Variants in ROBO1 observed in about 807,000 individuals in gnomAD.
The protein encoded by ROBO1 is roundabout guidance receptor 1.
Under a neutral mutation model 195.9 loss-of-function variants are expected in ROBO1, and 149 were observed. The ratio of observed to expected loss-of-function variants is 0.76; its 90% confidence interval spans 0.67 to 0.87. ROBO1 has a LOEUF of 0.87. Among genes scored for constraint, ROBO1 ranks in the 40% least tolerant of loss-of-function variants. The probability of loss-of-function intolerance (pLI) is 0.00; values close to 1 mark genes in which losing one functional copy is unlikely to be tolerated. For missense variants in ROBO1, 1,933 were observed against 2,068.3 expected (o/e 0.93, Z 1.27); for synonymous variants, 816 against 733.2 (o/e 1.11, Z -1.82).
At chr3:79,149,936 G>A (rs2080733561) in intron 2 of ROBO1, among the ~76,000 whole-genome samples, 1 of 151,682 alleles carries the variant, frequency 6.6e-6, no homozygotes, top group South Asian at 2.1e-4. Context: ...TCTTCCCCTT[G>A]TCAGAAGCAC....
At chr3:79,674,865 T>C (rs1946737442) in intron 1 of ROBO1, among the ~76,000 whole-genome samples, 1 of 151,562 alleles carries the variant, frequency 6.6e-6, no homozygotes, top group African/African-American at 2.4e-5. Flanking sequence ...TGTGTGTGTG[T>C]GTATTTACAG....
chr3:79,583,154 T>C (rs1006610812), intron 2 of ROBO1, among the ~76,000 whole-genome samples: 1 of 152,028 alleles, frequency 6.6e-6, no homozygotes, highest in Non-Finnish European at 1.5e-5. Context: ...TTCTAATTAA[T>C]ATGGTGTTCC....
At chr3:78,599,158 G>A (rs1278525526) in intron 30 of ROBO1, among the ~76,000 whole-genome samples, 1 of 152,114 alleles carries the variant, frequency 6.6e-6, no homozygotes, top group Non-Finnish European at 1.5e-5. Context: ...GTGTTGCGTG[G>A]TGGGACACAG....
At chr3:78,661,006 A>G in intron 16 of ROBO1, 24 bp downstream of exon 16, 1 of 1,527,910 alleles carries the variant, frequency 6.5e-7, no homozygotes, top group African/African-American at 1.4e-5. Flanking sequence ...AATGCATGGA[A>G]ATCAAACGCT....
chr3:78,762,587 A>C (rs970343002), intron 4 of ROBO1, among the ~76,000 whole-genome samples: 1 of 152,020 alleles, frequency 6.6e-6, no homozygotes, highest in African/African-American at 2.4e-5. Context: ...GCATTTCTTA[A>C]GTTAGTTTTT....
intron 2 of ROBO1, among the ~76,000 whole-genome samples, chr3:79,577,023 G>T (rs913184306): frequency 2.6e-5 from 4 of 151,942 alleles, no homozygotes; most frequent in Non-Finnish European, 5.9e-5. Context: ...TACATAAATT[G>T]TCTCTGGTCT....
rs917679376 is a variant in ROBO1, at chr3:79,466,122, A to G, written c.88+123702T>C. 3.9e-5 allele frequency among the ~76,000 whole-genome samples: 6 copies of G among 152,228 alleles called. 1 individual carries two copies. The East Asian group carries it at 1.2e-3, about 29-fold the overall frequency. On this transcript the variant is annotated intron_variant, in intron 2 of 30. Transcript: ENST00000464233. The stretch of plus-strand genomic sequence containing the variant: ...CAATTATTTATTTTCTCTGTGACCA[A>G]AAGATTGTCTTTACTGCTGAAGGAT...
At chr3:79,587,400 C>T (rs1943862091) in intron 2 of ROBO1, among the ~76,000 whole-genome samples, 1 of 151,680 alleles carries the variant, frequency 6.6e-6, no homozygotes, top group African/African-American at 2.4e-5. Context: ...TTCTTTTGTA[C>T]CCTGAGAAGT....
chr3:78,960,233 A>G (rs1376560441), intron 3 of ROBO1, among the ~76,000 whole-genome samples: 1 of 152,028 alleles, frequency 6.6e-6, no homozygotes, highest in African/African-American at 2.4e-5. Flanking sequence ...CTAATCAGAA[A>G]TACAGTGCCC....
In ROBO1 at chr3:78,860,326, A is replaced by ATATATATTTTTTTT. The variant is rs376853384; in HGVS notation, c.499+78274_499+78275insAAAAAAAATATATA. On this transcript the variant is annotated intron_variant, in intron 4 of 30. Coordinates refer to ENST00000464233, the MANE Select transcript of ROBO1 (RefSeq NM_002941.4). ...ACTATATATATATATATATATATATATTTTTTTTTTTTTACTCATAAGGTG... is the reference window on the plus strand; with the variant it reads ...ACTATATATATATATATATATATATATATATATTTTTTTTTTTTTTTTTTTTTACTCATAAGGTG... Among the ~76,000 whole-genome samples, 64 of 93,514 alleles carry ATATATATTTTTTTT rather than the reference A, an allele frequency of 6.8e-4. 1 individual carries two copies. Among genetic ancestry groups the ATATATATTTTTTTT allele is most frequent in the African/African-American group, 2.7e-3 (59 of 22,218 alleles). 61.3% of individuals were successfully genotyped at this position (93,514 alleles called of 152,430 possible).
chr3:79,291,581 A>G (rs2032250559), intron 2 of ROBO1, among the ~76,000 whole-genome samples: 1 of 152,140 alleles, frequency 6.6e-6, no homozygotes, highest in East Asian at 1.9e-4. Flanking sequence ...CGTGCCCCCA[A>G]AACACCCCAG....
chr3:79,171,112 A>C (rs963539512), intron 2 of ROBO1, among the ~76,000 whole-genome samples: 1 of 150,248 alleles, frequency 6.7e-6, no homozygotes, highest in Non-Finnish European at 1.5e-5. Context: ...CACAATAATG[A>C]ATTTACTTAA....
intron 4 of ROBO1, among the ~76,000 whole-genome samples, chr3:78,833,121 C>T: frequency 6.6e-6 from 1 of 151,454 alleles, no homozygotes; most frequent in Admixed American, 6.6e-5. Context: ...CCACTCTCTG[C>T]AGGATTGATT....
At chr3:78,787,010 C>T (rs1012468610) in intron 4 of ROBO1, among the ~76,000 whole-genome samples, 3 of 152,164 alleles carry the variant, frequency 2.0e-5, no homozygotes, top group Admixed American at 6.5e-5. Context: ...ACTAGTGGTT[C>T]TCCACCTTCA....
At chr3:78,702,269 C>G (rs2081438120) in intron 8 of ROBO1, among the ~76,000 whole-genome samples, 1 of 151,986 alleles carries the variant, frequency 6.6e-6, no homozygotes, top group African/African-American at 2.4e-5. Flanking sequence ...CCATAGCAAG[C>G]AAATAATAAA....
intron 26 of ROBO1, among the ~76,000 whole-genome samples, chr3:78,619,302 C>T (rs569970721): frequency 6.6e-6 from 1 of 151,942 alleles, no homozygotes. Flanking sequence ...ATCTGGTGAC[C>T]TCCACAGCTT....
intron 2 of ROBO1, among the ~76,000 whole-genome samples, chr3:79,261,190 A>G (rs1386406748): frequency 6.6e-6 from 1 of 152,062 alleles, no homozygotes; most frequent in Non-Finnish European, 1.5e-5. Context: ...ATGTTACCTT[A>G]CTAATTTGGC....
intron 26 of ROBO1, among the ~76,000 whole-genome samples, chr3:78,622,022 T>A (rs1704488654): frequency 6.6e-6 from 1 of 152,170 alleles, no homozygotes; most frequent in African/African-American, 2.4e-5. Flanking sequence ...GAACATAATT[T>A]TTACTTTTCT....
chr3:79,400,953 A>G (rs1292689882), intron 2 of ROBO1, among the ~76,000 whole-genome samples: 1 of 151,892 alleles, frequency 6.6e-6, no homozygotes, highest in Non-Finnish European at 1.5e-5. Flanking sequence ...AAACAGCACC[A>G]TTAAAAATTA....
Sources: gnomAD v4.1 joint callset for allele counts (sites outside exome capture counted in the v4.1 genomes callset) on GRCh38, gnomAD v4.1.1 for gene constraint, MANE v1.5 for transcripts, NCBI Gene and HGNC (gene_info 2026-07-23, HGNC 2026-07-21) for gene names.